The following GON4L variants were observed in gnomAD, a reference collection of about 807,000 sequenced individuals.
GON4L encodes the protein GON-4-like protein.
In GON4L, 87 loss-of-function variants were observed where a neutral mutation model predicts 211.8. The ratio of observed to expected loss-of-function variants is 0.41; its 90% CI spans 0.35 to 0.49. The LOEUF is 0.49. Ranked by LOEUF, GON4L falls within the 20% of genes least tolerant of loss-of-function variation. The pLI, the probability that GON4L is intolerant of heterozygous loss-of-function variation, is 0.15. For missense variants in GON4L, 2,155 were observed against 2,659.5 expected (o/e 0.81, Z 4.17); for synonymous variants, 875 against 962.6 (o/e 0.91, Z 1.68).
chr1:155,752,193 T>C lies in GON4L; in HGVS notation c.6240A>G (p.Ser2080=). 6.2e-7 allele frequency: 1 copy of C among 1,613,646 alleles called. No individual in the cohort carries two copies. The highest frequency in any genetic ancestry group is 8.5e-7 in the Non-Finnish European group (1 of 1,179,700). The part of the protein sequence containing the change: ...KPDTQERWLP[S]SRARVKTRDR... ...CTCTTGTCTTCACCCGAGCTCTGCT[T>C]GAGGGCAGCCATCTCTCTTGAGTGT... The change falls in exon 30 of 32, where the codon TCA becomes TCG. Residue 2080 remains serine, a synonymous_variant. Coordinates refer to ENST00000368331, the MANE Select transcript of GON4L (RefSeq NM_001282860.2).
At chr1:155,827,149 T>C in intron 2 of GON4L, 121 bp from the exon 3 acceptor site, 2 of 748,758 alleles carry the variant, frequency 2.7e-6, no homozygotes, top group Admixed American at 2.1e-5. Flanking sequence ...GCATATACTA[T>C]ATAGGAATTT....
chr1:155,754,903 CTTTTTTTTTTTT>C (rs112004109), intron 27 of GON4L, among the ~76,000 whole-genome samples: 1 of 104,572 alleles, frequency 9.6e-6, no homozygotes, highest in African/African-American at 3.7e-5. Flanking sequence ...TCTCCCCATG[CTTTTTTTTTTTT>C]TTTTTTTTTG....
At position 155,824,738 on chromosome 1, in the gene GON4L, T is replaced by C. The variant is rs182752895; in HGVS notation, c.697+2099A>G. 5.0e-3 allele frequency among the ~76,000 whole-genome samples: 661 copies of C among 132,806 alleles called. 4 individuals are homozygous for C. Among genetic ancestry groups the C allele is most frequent in the African/African-American group, 0.018 (625 of 34,392 alleles). The allele number at this position is 132,806 out of a possible 152,430, so 87.1% of individuals were successfully genotyped here. ...CAGCCTGGGCGACAGAGTGAGACTCTGGTTCAAAACAAAGACTCTGTCGCA... is the reference window on the plus strand; with the variant it reads ...CAGCCTGGGCGACAGAGTGAGACTCCGGTTCAAAACAAAGACTCTGTCGCA... On this transcript the variant is annotated intron_variant, in intron 3 of 31. Coordinates refer to ENST00000368331, the MANE Select transcript of GON4L (RefSeq NM_001282860.2).
chr1:155,755,201 G>C (rs1180787231), intron 27 of GON4L, among the ~76,000 whole-genome samples: 1 of 151,346 alleles, frequency 6.6e-6, no homozygotes, highest in East Asian at 1.9e-4. Flanking sequence ...CTCCCAAGTA[G>C]CTGGGATTAC....
Position 155,774,657 on chromosome 1 carries a change from C to T in GON4L, c.2350+345G>A, listed in dbSNP as rs183374731. 4.4e-5 allele frequency: 17 copies of T among 386,282 alleles called. No homozygotes were observed. In the East Asian group the frequency reaches 1.0e-3, roughly 23 times the overall value. The allele number at this position is 386,282 out of a possible 1,614,324, so 23.9% of individuals were successfully genotyped here. On this transcript the variant is annotated intron_variant, in intron 17 of 31. Coordinates refer to ENST00000368331, the MANE Select transcript of GON4L (RefSeq NM_001282860.2). ...AAAAGCTAAACATGACCAAACTTTACCACCTGACTTTCATCTTTACCAGGC... is the reference window on the plus strand; with the variant it reads ...AAAAGCTAAACATGACCAAACTTTATCACCTGACTTTCATCTTTACCAGGC...
chr1:155,796,049 G>C (rs577727569), intron 11 of GON4L, among the ~76,000 whole-genome samples: 18 of 152,152 alleles, frequency 1.2e-4, no homozygotes, highest in African/African-American at 4.1e-4. Context: ...GAGCATTTTG[G>C]ATGAAGGGGA....
chr1:155,838,012 C>A (rs822496), intron 2 of GON4L, among the ~76,000 whole-genome samples: 142,467 of 152,224 alleles, frequency 0.94, 67,429 homozygotes, highest in East Asian at 1. Flanking sequence ...ACCTCCCAAC[C>A]TTTTGGGAGG....
chr1:155,767,398 T>C lies in GON4L; in HGVS notation c.2763+27A>G, dbSNP rs749915972. Reference sequence around the variant, plus strand: ...GAACTTTCAGTGACCTTCTGCCTCCTACAGACTTCGAGGAAGAGGGCTGTA... The same window carrying C: ...GAACTTTCAGTGACCTTCTGCCTCCCACAGACTTCGAGGAAGAGGGCTGTA... On this transcript the variant is annotated intron_variant, in intron 20 of 31. Coordinates refer to ENST00000368331, the MANE Select transcript of GON4L (RefSeq NM_001282860.2). The C allele has an allele frequency of 2.5e-6, 4 of 1,613,920 alleles. No homozygotes were observed. In the South Asian group the frequency reaches 4.4e-5, roughly 18 times the overall value.
At chr1:155,846,635 AT>A (rs1057134927) in intron 2 of GON4L, 1 of 152,156 alleles carries the variant, frequency 6.6e-6, no homozygotes, top group African/African-American at 2.4e-5. Flanking sequence ...AAACATATAG[AT>A]TTTTTAATTT....
chr1:155,751,362 A>G lies in GON4L; in HGVS notation c.6576+405T>C, dbSNP rs1353339435. 6.6e-5 allele frequency among the ~76,000 whole-genome samples: 10 copies of G among 152,038 alleles called. No individual in the cohort carries two copies. In the East Asian group the frequency reaches 1.8e-3, roughly 27 times the overall value. ...GGAGTTCAAGACTAGCCTTGCCAAC[A>G]TGGTGAAACCCCGTGTCTACTAAAA... On this transcript the variant is annotated intron_variant, in intron 31 of 31. Coordinates refer to ENST00000368331, the MANE Select transcript of GON4L (RefSeq NM_001282860.2).
downstream of GON4L, among the ~76,000 whole-genome samples, chr1:155,745,583 G>A (rs1310355077): frequency 1.3e-5 from 2 of 152,250 alleles, no homozygotes; most frequent in Admixed American, 6.5e-5. Context: ...CCGCTCCAGC[G>A]TGGAGCAGGA....
rs1029424596 is a variant in GON4L, at chr1:155,765,066, G to C, written c.4407C>G (p.Thr1469=). The C allele has an allele frequency of 6.2e-7, 1 of 1,614,076 alleles. No individual in the cohort carries two copies. The highest frequency in any genetic ancestry group is 1.7e-5 in the Admixed American group (1 of 60,004). The part of the protein sequence containing the change: ...EEEEEDFDDL[T]QDEEDEMSSA... ...ATGACATTTCATCTTCCTCATCTTG[G>C]GTGAGGTCATCAAAGTCCTCTTCTT... Residue 1469 remains threonine (T), a synonymous_variant, in exon 21 of 32, where the codon ACC becomes ACG. Coordinates refer to ENST00000368331, the MANE Select transcript of GON4L (RefSeq NM_001282860.2).
chr1:155,760,786 G>A, intron 23 of GON4L, 145 bp from the exon 24 acceptor site: 1 of 612,932 alleles, frequency 1.6e-6, no homozygotes, highest in Non-Finnish European at 2.9e-6. Context: ...CTTAACATCT[G>A]ACTGTTAATG....
At chr1:155,766,766 C>T (rs1468071851) in intron 20 of GON4L, 57 bp from the exon 21 acceptor site, 3 of 1,608,652 alleles carry the variant, frequency 1.9e-6, no homozygotes, top group South Asian at 2.2e-5. Flanking sequence ...GAAAAAGAGG[C>T]TTGGCACAGT....
chr1:155,784,140 T>C (rs1244906648), intron 13 of GON4L, 51 bp from the exon 14 acceptor site: 1 of 1,604,806 alleles, frequency 6.2e-7, no homozygotes, highest in Non-Finnish European at 8.5e-7. Context: ...CCTCTGAATG[T>C]TGCTCCAGTA....
In GON4L at chr1:155,791,108, A is replaced by G. The variant is rs544435835; in HGVS notation, c.1747+3942T>C. On this transcript the variant is annotated intron_variant, in intron 12 of 31. Transcript: ENST00000368331. ...GAAACCTCTTCTCTACTAAAAATACAAAAAGTAGCCGGGCATGGTGGCAGG... is the reference window on the plus strand; with the variant it reads ...GAAACCTCTTCTCTACTAAAAATACGAAAAGTAGCCGGGCATGGTGGCAGG... 1.0e-3 allele frequency among the ~76,000 whole-genome samples: 155 copies of G among 151,528 alleles called. 3 individuals are homozygous for G. In the South Asian group the frequency reaches 0.011, roughly 11 times the overall value.
chr1:155,762,451 C>T (rs1371674033), intron 22 of GON4L, 77 bp from the exon 23 acceptor site: 11 of 1,161,416 alleles, frequency 9.5e-6, no homozygotes. Flanking sequence ...ATGCACCACC[C>T]CAGCCAAATC....
chr1:155,836,647 TAGTC>T (rs747448787), intron 2 of GON4L, among the ~76,000 whole-genome samples: 4 of 152,230 alleles, frequency 2.6e-5, no homozygotes, highest in African/African-American at 7.2e-5. Flanking sequence ...TCTGGGTTGT[TAGTC>T]AGTTCGTTGT....
chr1:155,819,200 G>A (rs1668523902), intron 6 of GON4L, among the ~76,000 whole-genome samples: 1 of 152,040 alleles, frequency 6.6e-6, no homozygotes, highest in African/African-American at 2.4e-5. Flanking sequence ...CTACTCAGGA[G>A]GCTGAGGCAG....
Sources: allele counts gnomAD v4.1 joint callset (sites outside exome capture counted in the v4.1 genomes callset), GRCh38; gene constraint gnomAD v4.1.1; transcripts MANE v1.5; gene names NCBI Gene and HGNC (gene_info 2026-07-23, HGNC 2026-07-21).